The following SORCS3 variants were observed in gnomAD, a reference collection of about 807,000 sequenced individuals.
The protein encoded by SORCS3 is sortilin related VPS10 domain containing receptor 3.
A neutral mutation model predicts 146.3 loss-of-function variants in SORCS3; 57 were observed. That is an observed-to-expected ratio of 0.39 (90% confidence interval 0.31 to 0.49). SORCS3 has a LOEUF of 0.49. Ranked by LOEUF, SORCS3 falls within the 20% of genes least tolerant of loss-of-function variation. The probability of loss-of-function intolerance (pLI) is 0.92; values close to 1 mark genes in which losing one functional copy is unlikely to be tolerated. For missense variants in SORCS3, 1,341 were observed against 1,575.5 expected, an observed-to-expected ratio of 0.85 and a Z score of 2.52; for synonymous variants, 653 against 618.5, an observed-to-expected ratio of 1.06 and a Z score of -0.83.
chr10:105,155,238 G>C (rs1414292532), intron 9 of SORCS3, among the ~76,000 whole-genome samples: 1 of 152,204 alleles, frequency 6.6e-6, no homozygotes, highest in Non-Finnish European at 1.5e-5. Context: ...TCACCTGGAA[G>C]ATCACAAGAG....
intron 13 of SORCS3, among the ~76,000 whole-genome samples, chr10:105,176,070 G>A (rs2119552624): frequency 6.6e-6 from 1 of 152,268 alleles, no homozygotes; most frequent in African/African-American, 2.4e-5. Flanking sequence ...CAACTTATGA[G>A]TGCCAGTATA....
At chr10:105,206,138 A>G (rs1327903059) in intron 16 of SORCS3, among the ~76,000 whole-genome samples, 4 of 152,194 alleles carry the variant, frequency 2.6e-5, no homozygotes, top group Non-Finnish European at 4.4e-5. Context: ...TCCGCAGTGG[A>G]CAAGTCAGAG....
At chr10:104,955,399 G>T (rs1174508766) in intron 3 of SORCS3, among the ~76,000 whole-genome samples, 1 of 152,068 alleles carries the variant, frequency 6.6e-6, no homozygotes, top group Non-Finnish European at 1.5e-5. Context: ...ACCAAAATCA[G>T]TTTATCCATT....
At chr10:104,871,251 C>G (rs1328054936) in intron 2 of SORCS3, among the ~76,000 whole-genome samples, 3 of 152,200 alleles carry the variant, frequency 2.0e-5, no homozygotes, top group Non-Finnish European at 4.4e-5. Context: ...GCACAGGGAA[C>G]AGAGGCTTCT....
chr10:105,051,856 A>T (rs997693979), intron 5 of SORCS3, among the ~76,000 whole-genome samples: 2 of 152,154 alleles, frequency 1.3e-5, no homozygotes. Flanking sequence ...AATACATTAC[A>T]TTTAAAATAA....
chr10:104,711,573 C>T (rs1417354806), intron 1 of SORCS3, among the ~76,000 whole-genome samples: 1 of 152,244 alleles, frequency 6.6e-6, no homozygotes, highest in East Asian at 1.9e-4. Flanking sequence ...AGCAATCCAG[C>T]TCAGGCCACA....
chr10:105,090,767 G>A (rs1051581521), intron 6 of SORCS3, among the ~76,000 whole-genome samples: 1 of 151,984 alleles, frequency 6.6e-6, no homozygotes, highest in Admixed American at 6.5e-5. Flanking sequence ...ATCCTTGCCC[G>A]GAGCACCTCC....
intron 2 of SORCS3, among the ~76,000 whole-genome samples, chr10:104,887,973 C>CGG (rs2018708314): frequency 6.8e-5 from 8 of 118,480 alleles, no homozygotes; most frequent in East Asian, 2.2e-4. Context: ...GGGGCGGGGG[C>CGG]GGAGCAAGCC....
intron 4 of SORCS3, among the ~76,000 whole-genome samples, chr10:104,984,438 G>A (rs1376390280): frequency 2.0e-5 from 3 of 151,954 alleles, no homozygotes; most frequent in Non-Finnish European, 4.4e-5. Flanking sequence ...TTCCTTCCTG[G>A]AAAATATCTT....
At chr10:105,117,209 C>T (rs1172297783) in intron 7 of SORCS3, among the ~76,000 whole-genome samples, 2 of 152,090 alleles carry the variant, frequency 1.3e-5, no homozygotes, top group Non-Finnish European at 2.9e-5. Context: ...CCTTCTCTCC[C>T]TCCCTGTTTC....
At chr10:104,724,470 C>T (rs1393226329) in intron 1 of SORCS3, among the ~76,000 whole-genome samples, 2 of 151,956 alleles carry the variant, frequency 1.3e-5, no homozygotes, top group African/African-American at 2.4e-5. Context: ...TTGCTCTTCT[C>T]GAGGAGTATC....
At chr10:104,880,651 C>T (rs2018621261) in intron 2 of SORCS3, among the ~76,000 whole-genome samples, 1 of 152,016 alleles carries the variant, frequency 6.6e-6, no homozygotes, top group South Asian at 2.1e-4. Flanking sequence ...TCCAGCAGGC[C>T]CTCCCCCGTC....
rs376833023 is a variant in SORCS3, at chr10:105,070,620, A to G, written c.1029-19155A>G. 1.6e-4 allele frequency among the ~76,000 whole-genome samples: 25 copies of G among 152,284 alleles called. 1 individual carries two copies. In the East Asian group the frequency reaches 2.7e-3, roughly 16 times the overall value. On this transcript the variant is annotated intron_variant, in intron 5 of 26. Transcript: ENST00000369701. ...TCTACATGGAAGAGAGGGAGTTCAT[A>G]TTTTCTCTACAAATCACAGGACCCT...
chr10:104,669,369 A>T (rs1357330823), intron 1 of SORCS3, among the ~76,000 whole-genome samples: 1 of 152,174 alleles, frequency 6.6e-6, no homozygotes, highest in Non-Finnish European at 1.5e-5. Context: ...CTTGCAAAAC[A>T]AACTCCATAC....
At chr10:105,050,064 T>C (rs1018855400) in intron 5 of SORCS3, among the ~76,000 whole-genome samples, 1 of 151,868 alleles carries the variant, frequency 6.6e-6, no homozygotes, top group East Asian at 1.9e-4. Context: ...CACACACATT[T>C]TGAACATCTT....
intron 1 of SORCS3, among the ~76,000 whole-genome samples, chr10:104,666,550 T>C (rs1294207859): frequency 1.3e-5 from 2 of 152,208 alleles, no homozygotes; most frequent in African/African-American, 4.8e-5. Flanking sequence ...TGGGACCTTT[T>C]GTTCCTGTGC....
chr10:105,171,035 C>T (rs1465486510), intron 13 of SORCS3, among the ~76,000 whole-genome samples: 1 of 152,058 alleles, frequency 6.6e-6, no homozygotes, highest in Non-Finnish European at 1.5e-5. Context: ...GTTTTATATA[C>T]AGATGTATGT....
chr10:104,709,137 C>T (rs925248294), intron 1 of SORCS3, among the ~76,000 whole-genome samples: 1 of 152,180 alleles, frequency 6.6e-6, no homozygotes, highest in Non-Finnish European at 1.5e-5. Context: ...TTACTTCTTT[C>T]CTTTTTTATT....
chr10:105,189,996 T>G (rs952861221), intron 14 of SORCS3, among the ~76,000 whole-genome samples: 3 of 152,212 alleles, frequency 2.0e-5, no homozygotes, highest in Non-Finnish European at 2.9e-5. Context: ...TCTCCTTTTT[T>G]CCTCCAACTG....
Sources: allele counts gnomAD v4.1 joint callset (sites outside exome capture counted in the v4.1 genomes callset), GRCh38; gene constraint gnomAD v4.1.1; transcripts MANE v1.5; gene names NCBI Gene and HGNC (gene_info 2026-07-23, HGNC 2026-07-21).